The following IL1RAPL2 variants were observed in gnomAD, a reference collection of about 807,000 sequenced individuals.
IL1RAPL2 encodes the protein interleukin 1 receptor accessory protein like 2.
A neutral mutation model predicts 44.1 loss-of-function variants in IL1RAPL2; 3 were observed. The ratio of observed to expected loss-of-function variants is 0.07; its 90% CI spans 0.03 to 0.18. The LOEUF (loss-of-function observed/expected upper bound fraction) is 0.18. Among genes scored for constraint, IL1RAPL2 ranks in the 10% least tolerant of loss-of-function variants. The probability of loss-of-function intolerance (pLI) is 1.00; values close to 1 mark genes in which losing one functional copy is unlikely to be tolerated. For synonymous variants in IL1RAPL2, 181 were observed against 178.8 expected (o/e 1.01, Z -0.10); for missense variants, 391 against 496.4 (o/e 0.79, Z 2.02).
In IL1RAPL2 at chrX:104,744,664, C is replaced by A. The variant is rs754357568; in HGVS notation, c.82+85669C>A. 5.4e-5 allele frequency among the ~76,000 whole-genome samples: 6 copies of A among 111,294 alleles called. No homozygotes were observed. In the East Asian group the frequency reaches 1.7e-3, roughly 32 times the overall value. ...ATGTTTATTAAGCACCTACTCTATA[C>A]TGTTAGAGCAGTGAATATAAATATA... is the stretch of plus-strand genomic sequence containing the variant. On this transcript the variant is annotated intron_variant, in intron 2 of 10. Transcript: ENST00000372582.
intron 1 of IL1RAPL2, among the ~76,000 whole-genome samples, chrX:104,602,150 A>G (rs1157482205): frequency 9.0e-6 from 1 of 111,078 alleles, no homozygotes; most frequent in Non-Finnish European, 1.9e-5. Context: ...TCTCATTGGG[A>G]CTGGTTGGAC....
At chrX:105,655,817 A>G (rs2037673608) in intron 6 of IL1RAPL2, among the ~76,000 whole-genome samples, 1 of 111,734 alleles carries the variant, frequency 8.9e-6, no homozygotes, top group Admixed American at 9.5e-5. Context: ...TTGCTTTTAT[A>G]CATTTTTTGT....
At chrX:105,011,973 A>T (rs1348629192) in intron 2 of IL1RAPL2, among the ~76,000 whole-genome samples, 3 of 111,653 alleles carry the variant, frequency 2.7e-5, no homozygotes, top group African/African-American at 9.7e-5. Context: ...TCAAAACAAC[A>T]TAAATCAGTT....
At chrX:105,168,272 T>G (rs2033388453) in intron 2 of IL1RAPL2, among the ~76,000 whole-genome samples, 1 of 111,383 alleles carries the variant, frequency 9.0e-6, no homozygotes, top group Non-Finnish European at 1.9e-5. Flanking sequence ...CATGAAAAAT[T>G]TGGGCAGCAA....
intron 2 of IL1RAPL2, among the ~76,000 whole-genome samples, chrX:104,989,536 G>A (rs778305879): frequency 6.3e-5 from 7 of 111,625 alleles, no homozygotes; most frequent in Non-Finnish European, 1.3e-4. Flanking sequence ...TCTTCTCAAA[G>A]GACAGCTATT....
chrX:104,702,697 A>G (rs376944916), intron 2 of IL1RAPL2, among the ~76,000 whole-genome samples: 4 of 111,584 alleles, frequency 3.6e-5, no homozygotes, highest in African/African-American at 1.3e-4. Context: ...CAGGTGAAGA[A>G]GTGAACAGGG....
intron 2 of IL1RAPL2, among the ~76,000 whole-genome samples, chrX:104,889,193 C>G (rs1358447373): frequency 9.0e-6 from 1 of 111,303 alleles, no homozygotes; most frequent in African/African-American, 3.3e-5. Context: ...CAAACATACT[C>G]CCTGCATGAC....
intron 1 of IL1RAPL2, among the ~76,000 whole-genome samples, chrX:104,595,775 T>A (rs1315572470): frequency 8.9e-6 from 1 of 112,003 alleles, no homozygotes; most frequent in Non-Finnish European, 1.9e-5. Flanking sequence ...CAAAGTTAGG[T>A]AACATTTTTA....
chrX:105,619,569 C>T (rs907648947), intron 6 of IL1RAPL2, among the ~76,000 whole-genome samples: 1 of 111,165 alleles, frequency 9.0e-6, no homozygotes, highest in African/African-American at 3.3e-5. Context: ...ATGTCCTTAA[C>T]CCTATCAGAG....
chrX:104,604,703 A>C (rs1928967450), intron 1 of IL1RAPL2, among the ~76,000 whole-genome samples: 1 of 109,909 alleles, frequency 9.1e-6, no homozygotes. Context: ...TTAAACCTAC[A>C]AAGATCAAAA....
chrX:104,883,883 AT>A (rs1923150159), intron 2 of IL1RAPL2, among the ~76,000 whole-genome samples: 1 of 111,862 alleles, frequency 8.9e-6, no homozygotes, highest in Non-Finnish European at 1.9e-5. Flanking sequence ...TCCTATTCAT[AT>A]AAGTGAGGAC....
At chrX:105,636,417 GAATT>G (rs1258737121) in intron 6 of IL1RAPL2, among the ~76,000 whole-genome samples, 4 of 111,524 alleles carry the variant, frequency 3.6e-5, no homozygotes. Flanking sequence ...AGTAATGAAT[GAATT>G]AAGGTGCCAG....
At chrX:105,572,595 G>C (rs1196708214) in intron 6 of IL1RAPL2, among the ~76,000 whole-genome samples, 1 of 111,969 alleles carries the variant, frequency 8.9e-6, no homozygotes, top group African/African-American at 3.2e-5. Context: ...CCTTAACATA[G>C]CATAGTCTTT....
At chrX:104,992,138 A>G (rs774373958) in intron 2 of IL1RAPL2, among the ~76,000 whole-genome samples, 4 of 111,448 alleles carry the variant, frequency 3.6e-5, no homozygotes, top group Admixed American at 9.6e-5. Context: ...AGAAATTTAA[A>G]CAAGGACCAG....
chrX:105,487,880 A>T (rs2036282270), intron 6 of IL1RAPL2, among the ~76,000 whole-genome samples: 1 of 112,289 alleles, frequency 8.9e-6, no homozygotes, highest in Non-Finnish European at 1.9e-5. Context: ...ATCTCTGTCT[A>T]TGTCTGGAAA....
intron 5 of IL1RAPL2, among the ~76,000 whole-genome samples, chrX:105,364,672 T>C (rs1305227506): frequency 9.0e-6 from 1 of 111,467 alleles, no homozygotes; most frequent in Non-Finnish European, 1.9e-5. Flanking sequence ...TTTGATGTTC[T>C]TGTAAATGAC....
intron 2 of IL1RAPL2, among the ~76,000 whole-genome samples, chrX:105,076,959 C>T (rs925607779): frequency 2.7e-5 from 3 of 111,052 alleles, no homozygotes; most frequent in Non-Finnish European, 5.7e-5. Context: ...GATGGGGTTC[C>T]TGAATACAGC....
intron 2 of IL1RAPL2, among the ~76,000 whole-genome samples, chrX:104,886,357 G>A (rs1400113141): frequency 1.2e-5 from 1 of 82,172 alleles, no homozygotes; most frequent in Non-Finnish European, 2.6e-5. Context: ...CAATTTGGAA[G>A]GGCAAAAAAT....
chrX:104,829,460 T>C (rs56719517), intron 2 of IL1RAPL2, among the ~76,000 whole-genome samples: 1,461 of 111,952 alleles, frequency 0.013, 22 homozygotes, highest in African/African-American at 0.045. Context: ...TGGGCTGCAC[T>C]CACTGTCTAA....
Sources: allele counts gnomAD v4.1 joint callset (sites outside exome capture counted in the v4.1 genomes callset), GRCh38; gene constraint gnomAD v4.1.1; transcripts MANE v1.5; gene names NCBI Gene and HGNC (gene_info 2026-07-23, HGNC 2026-07-21).